MIB1: variants seen among roughly 807,000 people sequenced by gnomAD.
MIB1 encodes the protein E3 ubiquitin-protein ligase MIB1.
A neutral mutation model predicts 124.5 loss-of-function variants in MIB1; 278 were observed. The observed-to-expected ratio is 2.23, with a 90% CI of 2.02 to 2.47. MIB1 has a LOEUF of 2.47. Ranked by LOEUF, MIB1 falls within the 30% of genes most tolerant of loss-of-function variation. The probability of loss-of-function intolerance (pLI) is 0.00; values close to 1 mark genes in which losing one functional copy is unlikely to be tolerated. For synonymous variants in MIB1, 446 were observed against 429.4 expected, an observed-to-expected ratio of 1.04 and a Z score of -0.48; for missense variants, 957 against 1,254.4, an observed-to-expected ratio of 0.76 and a Z score of 3.58.
At chr18:21,817,741 G>A in intron 11 of MIB1, 1 of 407,848 alleles carries the variant, frequency 2.5e-6, no homozygotes, top group Non-Finnish European at 4.9e-6. Flanking sequence ...AGATGAAGCT[G>A]GGTCTGGTGT....
chr18:21,799,114 G>C (rs1320356931), intron 8 of MIB1, among the ~76,000 whole-genome samples: 1 of 151,944 alleles, frequency 6.6e-6, no homozygotes, highest in Non-Finnish European at 1.5e-5. Flanking sequence ...AAATTATGTG[G>C]ACTTGGCCCA....
Position 21,869,545 on chromosome 18 carries a change from C to T in MIB1, c.*4879C>T, listed in dbSNP as rs1165622267. ...ATTGCTTAGCTTGTTAATAATGATT[C>T]TGCATGTGTGCTGGGTTTGGGTAAT... is the stretch of plus-strand genomic sequence containing the variant. On this transcript the variant is annotated 3_prime_UTR_variant, in exon 21 of 21. Coordinates refer to ENST00000261537, the MANE Select transcript of MIB1 (RefSeq NM_020774.4). 1 of 152,442 alleles carries T rather than the reference C, an allele frequency of 6.6e-6. No individual in the cohort carries two copies. The highest frequency in any genetic ancestry group is 1.5e-5 in the Non-Finnish European group (1 of 67,914). 9.4% of individuals were successfully genotyped at this position (152,442 alleles called of 1,614,324 possible). A position where few individuals can be genotyped will look rare whatever the true frequency, so the allele number is the denominator to read the frequency against.
At chr18:21,837,148 C>T (rs945297118) in intron 12 of MIB1, among the ~76,000 whole-genome samples, 12 of 152,198 alleles carry the variant, frequency 7.9e-5, no homozygotes, top group African/African-American at 2.9e-4. Flanking sequence ...TACTCAGTTA[C>T]AGCCATGGAA....
chr18:21,726,462 A>T (rs1303352193), intron 1 of MIB1, among the ~76,000 whole-genome samples: 3 of 152,188 alleles, frequency 2.0e-5, no homozygotes, highest in Non-Finnish European at 4.4e-5. Context: ...TGTCACCTGC[A>T]TTAGATAAAA....
At chr18:21,808,462 C>A (rs2041733121) in intron 10 of MIB1, among the ~76,000 whole-genome samples, 1 of 152,076 alleles carries the variant, frequency 6.6e-6, no homozygotes, top group African/African-American at 2.4e-5. Context: ...ACTTTCTGGC[C>A]CTTCACAGAA....
intron 20 of MIB1, among the ~76,000 whole-genome samples, chr18:21,861,726 ATG>A (rs1361286901): frequency 2.6e-5 from 4 of 151,964 alleles, no homozygotes; most frequent in African/African-American, 9.7e-5. Context: ...TATTACCCCA[ATG>A]TGTCTTTAAC....
At chr18:21,738,965 G>A (rs2040811694), upstream of MIB1, among the ~76,000 whole-genome samples, 1 of 149,130 alleles carries the variant, frequency 6.7e-6, no homozygotes, top group Admixed American at 6.7e-5. Context: ...GTAGAGACAC[G>A]AAAAACCCTT....
At chr18:21,817,154 C>CTTTTTT (rs1040673828) in intron 11 of MIB1, among the ~76,000 whole-genome samples, 6 of 75,010 alleles carry the variant, frequency 8.0e-5, no homozygotes, top group African/African-American at 1.1e-4. Flanking sequence ...GTTAGGAATT[C>CTTTTTT]TTTTTTTTTT....
rs892342186 is a variant in MIB1 at position 21,844,102 on chromosome 18, G to A, written c.2060G>A (p.Arg687His). 15 of 1,613,708 alleles carry A rather than the reference G, an allele frequency of 9.3e-6. No homozygotes were observed. Among genetic ancestry groups the A allele is most frequent in the Admixed American group, 5.0e-5 (3 of 59,980 alleles). ...QHTQIVRLLV[R>H]AGAKLDIQDK... ...ATCTTTCTCTTTTAGCTTTTGGTCCGTGCAGGTGCCAAGCTTGATATTCAG... is the reference window on the plus strand; with the variant it reads ...ATCTTTCTCTTTTAGCTTTTGGTCCATGCAGGTGCCAAGCTTGATATTCAG... Residue 687 changes from arginine (R) to histidine (H), a missense_variant, in exon 15 of 21, where the codon CGT becomes CAT. Arg to His is a conservative substitution (Grantham distance 29). Transcript: ENST00000261537.
intron 11 of MIB1, among the ~76,000 whole-genome samples, chr18:21,818,834 C>G (rs1161779396): frequency 6.6e-6 from 1 of 152,052 alleles, no homozygotes; most frequent in Non-Finnish European, 1.5e-5. Context: ...ACTTGGGAGG[C>G]TGAGGCAGGA....
At chr18:21,740,007 C>A (rs903396028), upstream of MIB1, among the ~76,000 whole-genome samples, 5 of 152,010 alleles carry the variant, frequency 3.3e-5, no homozygotes, top group African/African-American at 1.2e-4. Context: ...ATTTTACGTC[C>A]GTTTTCTTGT....
chr18:21,773,643 G>C lies in MIB1; in HGVS notation c.551G>C (p.Trp184Ser). The part of the protein sequence containing the change: ...RRGKVTEIQD[W>S]SASSPHSAAY... ...TGTTAGGTAACAGAAATCCAGGACT[G>C]GAGTGCATCAAGCCCACATAGCGCA... Residue 184 changes from tryptophan to serine, a missense_variant, in exon 4 of 21, where the codon TGG becomes TCG. Physicochemically the swap from Trp to Ser is radical, Grantham distance 177 (BLOSUM62 -3). Coordinates refer to ENST00000261537, the MANE Select transcript of MIB1 (RefSeq NM_020774.4). The C allele has an allele frequency of 6.2e-7, 1 of 1,609,674 alleles. No homozygotes were observed. Among genetic ancestry groups the C allele is most frequent in the South Asian group, 1.1e-5 (1 of 89,932 alleles).
chr18:21,722,857 A>G (rs2040721590), intron 1 of MIB1, among the ~76,000 whole-genome samples: 1 of 152,180 alleles, frequency 6.6e-6, no homozygotes, highest in Non-Finnish European at 1.5e-5. Context: ...TAATAGCCAC[A>G]TGACATCACC....
At position 21,804,844 on chromosome 18, in the gene MIB1, T is replaced by G. The variant is rs142097633; in HGVS notation, c.1479+830T>G. ...ATTAAAAAATTTAAAAAGATGCATA[T>G]TGGAAAAGAGAAGCCTTTTCTAGTC... On this transcript the variant is annotated intron_variant, in intron 10 of 20. Transcript: ENST00000261537. Among the ~76,000 whole-genome samples the G allele has an allele frequency of 1.5e-3, 228 of 152,286 alleles. 1 individual carries two copies. The highest frequency in any genetic ancestry group is 5.0e-3 in the African/African-American group (208 of 41,574).
intron 1 of MIB1, among the ~76,000 whole-genome samples, chr18:21,726,317 C>T (rs1329980125): frequency 6.6e-6 from 1 of 152,022 alleles, no homozygotes; most frequent in Non-Finnish European, 1.5e-5. Context: ...CTTTGGGAGG[C>T]TGAGGTGGGA....
At chr18:21,840,627 GTATATATATATA>G (rs57360671) in intron 13 of MIB1, among the ~76,000 whole-genome samples, 44 of 110,610 alleles carry the variant, frequency 4.0e-4, no homozygotes, top group African/African-American at 1.4e-3. Context: ...CATCTCTACT[GTATATATATATA>G]TATATATATA....
In MIB1 at chr18:21,765,844, CAG is replaced by C. The variant is rs778155689; in HGVS notation, c.305_306del (p.Glu102ValfsTer5). ...ATCATTGGCATTCGATGGAAGTGTG[CAG>C]AGTGTACAAATTATGATTTGTGCAC... On this transcript the variant is annotated frameshift_variant, in exon 2 of 21. Transcript: ENST00000261537. LOFTEE classifies it high-confidence loss of function. 17 of 1,613,990 alleles carry C rather than the reference CAG, an allele frequency of 1.1e-5. No homozygotes were observed. Among genetic ancestry groups the C allele is most frequent in the African/African-American group, 2.7e-5 (2 of 74,914 alleles).
chr18:21,804,488 A>G (rs536158681), intron 10 of MIB1, among the ~76,000 whole-genome samples: 4 of 152,346 alleles, frequency 2.6e-5, no homozygotes, highest in South Asian at 2.1e-4. Context: ...TTATCACCAT[A>G]TGTGTGTATA....
chr18:21,784,236 A>C (rs760198256), intron 6 of MIB1, among the ~76,000 whole-genome samples: 3 of 151,364 alleles, frequency 2.0e-5, no homozygotes, highest in African/African-American at 7.3e-5. Flanking sequence ...TTTAGTAGAG[A>C]GGGGGTTTCA....
Sources: gnomAD v4.1 joint callset for allele counts (sites outside exome capture counted in the v4.1 genomes callset) on GRCh38, gnomAD v4.1.1 for gene constraint, MANE v1.5 for transcripts, NCBI Gene and HGNC (gene_info 2026-07-23, HGNC 2026-07-21) for gene names.